Variants in FAM53A observed in about 807,000 individuals in gnomAD.
The protein encoded by FAM53A is family with sequence similarity 53 member A.
A neutral mutation model predicts 26.6 loss-of-function variants in FAM53A; 28 were observed. That is an observed-to-expected ratio of 1.05 (90% CI 0.78 to 1.45). The LOEUF (loss-of-function observed/expected upper bound fraction) is 1.45, where lower values mean the gene tolerates loss of function less well. FAM53A is among the 40% of genes most tolerant of loss of function. The probability of loss-of-function intolerance (pLI) is 0.00; values close to 1 mark genes in which losing one functional copy is unlikely to be tolerated. For synonymous variants in FAM53A, 290 were observed against 253.1 expected (o/e 1.15, Z -1.38); for missense variants, 650 against 575.8 (o/e 1.13, Z -1.32).
intron 4 of FAM53A, among the ~76,000 whole-genome samples, chr4:1,650,955 A>T (rs1360771666): frequency 1.3e-5 from 2 of 150,522 alleles, no homozygotes; most frequent in African/African-American, 4.9e-5. Context: ...GCAGTGGCTC[A>T]CGCCTGTAAT....
intron 4 of FAM53A, among the ~76,000 whole-genome samples, chr4:1,650,866 G>A (rs13138104): frequency 4.0e-5 from 6 of 151,752 alleles, no homozygotes; most frequent in Non-Finnish European, 8.8e-5. Flanking sequence ...GTCCCAAGAA[G>A]AGGACTAGGA....
intron 1 of FAM53A, among the ~76,000 whole-genome samples, chr4:1,673,893 G>A (rs1200388419): frequency 6.6e-6 from 1 of 152,262 alleles, no homozygotes; most frequent in Admixed American, 6.5e-5. Context: ...GCAGCTCCCT[G>A]CTGGGAGCCC....
At chr4:1,638,144 G>A (rs1173425805), downstream of FAM53A, among the ~76,000 whole-genome samples, 1 of 152,116 alleles carries the variant, frequency 6.6e-6, no homozygotes, top group Non-Finnish European at 1.5e-5. Context: ...CCCGGCCTCA[G>A]GCAGGTGACC....
intron 1 of FAM53A, among the ~76,000 whole-genome samples, chr4:1,621,461 C>T (rs991016314): frequency 6.6e-6 from 1 of 152,194 alleles, no homozygotes; most frequent in African/African-American, 2.4e-5. Flanking sequence ...TCACTCACAT[C>T]TCATCAGACA....
the FAM53A span, among the ~76,000 whole-genome samples, chr4:1,585,932 T>C: frequency 6.6e-6 from 1 of 152,126 alleles, no homozygotes; most frequent in African/African-American, 2.4e-5. Flanking sequence ...AGACAGGGTT[T>C]CACCATGTTG....
chr4:1,577,840 G>A, the FAM53A span, among the ~76,000 whole-genome samples: 1 of 152,120 alleles, frequency 6.6e-6, no homozygotes. Context: ...GCCTTGTCAG[G>A]GAGCCGCCTG....
rs571524937 is a variant in FAM53A, at chr4:1,630,677, G to A, written c.432-12566C>T. On this transcript the variant is annotated intron_variant, in intron 1 of 1. Coordinates refer to the FAM53A transcript ENST00000489029. The surrounding 1 kb of genome is among the most constrained non-coding windows in gnomAD (Gnocchi z 4.3). Reference sequence around the variant, plus strand: ...CGTGGAAGCCAGACAGAAAAGGCCCGCACAGCATGATCCCACGTCTACGAA... The same window carrying A: ...CGTGGAAGCCAGACAGAAAAGGCCCACACAGCATGATCCCACGTCTACGAA... Among the ~76,000 whole-genome samples, 89 of 152,206 alleles carry A rather than the reference G, an allele frequency of 5.8e-4. No individual in the cohort carries two copies. The highest frequency in any genetic ancestry group is 3.4e-3 in the Middle Eastern group (1 of 294).
At chr4:1,634,771 G>A (rs7654866) in intron 1 of FAM53A, among the ~76,000 whole-genome samples, 11,604 of 152,022 alleles carry the variant, frequency 0.076, 487 homozygotes, top group Middle Eastern at 0.19. Flanking sequence ...ATGGTGGTGC[G>A]CGCCTGTAAT....
chr4:1,677,304 C>T (rs1715110691), intron 1 of FAM53A, among the ~76,000 whole-genome samples: 1 of 152,160 alleles, frequency 6.6e-6, no homozygotes, highest in Non-Finnish European at 1.5e-5. Context: ...GCACTCTGCA[C>T]CCCACCCTGG....
rs867446214 is a variant in FAM53A at position 1,655,283 on chromosome 4, C to T, written c.577G>A (p.Gly193Ser). 1.3e-5 allele frequency: 19 copies of T among 1,425,202 alleles called. No homozygotes were observed. Among genetic ancestry groups the T allele is most frequent in the Middle Eastern group, 1.9e-4 (1 of 5,404 alleles). 88.3% of individuals were successfully genotyped at this position (1,425,202 alleles called of 1,614,324 possible). Residue 193 changes from glycine to serine, a missense_variant, in exon 4 of 5, where the codon GGC becomes AGC. Coordinates refer to ENST00000308132, the MANE Select transcript of FAM53A (RefSeq NM_001174070.3). ...CTGCCCTCGCTGCTGTCCACGAAGC[C>T]GCCGCTGGCGGAGGACGGCCGGGGC... ...ATPRPSSASG[G>S]FVDSSEGSAG...
the FAM53A span, among the ~76,000 whole-genome samples, chr4:1,580,502 CCA>C: frequency 6.6e-6 from 1 of 151,892 alleles, no homozygotes; most frequent in Non-Finnish European, 1.5e-5. Flanking sequence ...GCACGGAGCC[CCA>C]GACCCCACCC....
chr4:1,642,166 G>A lies in FAM53A; in HGVS notation c.883-559C>T, dbSNP rs570399942. Among the ~76,000 whole-genome samples the A allele has an allele frequency of 2.2e-3, 332 of 152,276 alleles. 1 individual carries two copies. Among genetic ancestry groups the A allele is most frequent in the Admixed American group, 3.7e-3 (56 of 15,300 alleles). On this transcript the variant is annotated intron_variant, in intron 4 of 4. Coordinates refer to ENST00000308132, the MANE Select transcript of FAM53A (RefSeq NM_001174070.3). Reference sequence around the variant, plus strand: ...CGGTGTCCTCAGGGGCCCACCAGACGCAGCTCCCACCTTCTCTGTCCTTGC... The same window carrying A: ...CGGTGTCCTCAGGGGCCCACCAGACACAGCTCCCACCTTCTCTGTCCTTGC...
chr4:1,609,235 G>A, the FAM53A span, among the ~76,000 whole-genome samples: 69 of 152,032 alleles, frequency 4.5e-4, no homozygotes, highest in Middle Eastern at 3.4e-3. Context: ...CAGAGTCCGG[G>A]GCCTGGGGTC....
chr4:1,608,275 C>T, the FAM53A span, among the ~76,000 whole-genome samples: 1 of 152,216 alleles, frequency 6.6e-6, no homozygotes, highest in South Asian at 2.1e-4. Context: ...CACCCTGAGA[C>T]CCCCACCCCA....
chr4:1,619,236 A>T (rs1025523716), intron 1 of FAM53A, among the ~76,000 whole-genome samples: 1 of 152,236 alleles, frequency 6.6e-6, no homozygotes, highest in African/African-American at 2.4e-5. Flanking sequence ...AGCTGCCAGG[A>T]TCCCACCTTG....
At chr4:1,578,236 T>G in the FAM53A span, among the ~76,000 whole-genome samples, 4 of 152,206 alleles carry the variant, frequency 2.6e-5, no homozygotes, top group Admixed American at 2.6e-4. Context: ...CCCTGCCTAT[T>G]AATTCTCCTA....
Position 1,659,193 on chromosome 4 carries a change from G to A in FAM53A, c.76-1725C>T, listed in dbSNP as rs369942022. ...ACACCATGAGGACAGGGCCTGGTGCGGGCCCGGGAACCACACGACCTCCAG... is the reference window on the plus strand; with the variant it reads ...ACACCATGAGGACAGGGCCTGGTGCAGGCCCGGGAACCACACGACCTCCAG... On this transcript the variant is annotated intron_variant, in intron 2 of 4. Coordinates refer to ENST00000308132, the MANE Select transcript of FAM53A (RefSeq NM_001174070.3). This position sits in a 1 kb window ranked among gnomAD's most constrained non-coding sequence, Gnocchi z 5.2. Among the ~76,000 whole-genome samples, 10 of 152,214 alleles carry A rather than the reference G, an allele frequency of 6.6e-5. No individual in the cohort carries two copies. Among genetic ancestry groups the A allele is most frequent in the South Asian group, 2.1e-4 (1 of 4,826 alleles).
chr4:1,586,737 C>T, the FAM53A span, among the ~76,000 whole-genome samples: 1,009 of 149,276 alleles, frequency 6.8e-3, 7 homozygotes, highest in African/African-American at 0.024. Flanking sequence ...GAGCCAAGAT[C>T]GCGCCACTGC....
intron 2 of FAM53A, among the ~76,000 whole-genome samples, chr4:1,664,562 T>C (rs190950463): frequency 9.2e-5 from 14 of 152,374 alleles, no homozygotes; most frequent in African/African-American, 3.1e-4. Context: ...CCTTGAATGT[T>C]AGAAGTAACT....
Sources: allele counts gnomAD v4.1 joint callset (sites outside exome capture counted in the v4.1 genomes callset), GRCh38; gene constraint gnomAD v4.1.1; non-coding constraint Gnocchi (gnomAD v3.1); transcripts MANE v1.5; gene names NCBI Gene and HGNC (gene_info 2026-07-23, HGNC 2026-07-21).